CLSTN2: variants seen among roughly 807,000 people sequenced by gnomAD.
CLSTN2 encodes the protein calsyntenin-2.
In CLSTN2, 48 loss-of-function variants were observed where a neutral mutation model predicts 101.2. The ratio of observed to expected loss-of-function variants is 0.47; its 90% CI spans 0.38 to 0.60. CLSTN2 has a LOEUF of 0.60. Ranked by LOEUF, CLSTN2 falls within the 20% of genes least tolerant of loss-of-function variation. The pLI, the probability that CLSTN2 is intolerant of heterozygous loss-of-function variation, is 0.00. For synonymous variants in CLSTN2, 481 were observed against 463.6 expected, an observed-to-expected ratio of 1.04 and a Z score of -0.48; for missense variants, 1,160 against 1,238.2, an observed-to-expected ratio of 0.94 and a Z score of 0.95.
intron 8 of CLSTN2, among the ~76,000 whole-genome samples, chr3:140,469,067 A>G (rs1385396105): frequency 6.6e-6 from 1 of 152,190 alleles, no homozygotes; most frequent in Non-Finnish European, 1.5e-5. Flanking sequence ...CATGGCAGAG[A>G]GGGAGCACTC....
At chr3:140,468,034 T>G (rs1329807750) in intron 8 of CLSTN2, among the ~76,000 whole-genome samples, 1 of 152,246 alleles carries the variant, frequency 6.6e-6, no homozygotes, top group Non-Finnish European at 1.5e-5. Context: ...CAGTGGCAAC[T>G]GCCTAATCCA....
At chr3:140,167,638 C>A (rs1233200537) in intron 1 of CLSTN2, among the ~76,000 whole-genome samples, 1 of 152,172 alleles carries the variant, frequency 6.6e-6, no homozygotes, top group African/African-American at 2.4e-5. Context: ...GTGTAACCAC[C>A]ACTACAATCA....
intron 1 of CLSTN2, among the ~76,000 whole-genome samples, chr3:140,113,791 C>A (rs184454500): frequency 6.6e-6 from 1 of 152,086 alleles, no homozygotes; most frequent in Non-Finnish European, 1.5e-5. Flanking sequence ...TAGTGACGCA[C>A]GACTATCAGG....
chr3:139,958,815 AAAT>A (rs1935452848), intron 1 of CLSTN2, among the ~76,000 whole-genome samples: 2 of 150,720 alleles, frequency 1.3e-5, no homozygotes, highest in Non-Finnish European at 3.0e-5. Flanking sequence ...GGCTTTTGAA[AAAT>A]AATAACATCT....
chr3:139,972,242 C>T lies in CLSTN2; in HGVS notation c.109+36759C>T, dbSNP rs548914989. Among the ~76,000 whole-genome samples the T allele has an allele frequency of 1.2e-3, 176 of 151,584 alleles. 3 individuals are homozygous for T. The South Asian group carries it at 0.028, about 24-fold the overall frequency. On this transcript the variant is annotated intron_variant, in intron 1 of 16. Transcript: ENST00000458420. ...TCGCACCACTGCACTCCAGCCTGGG[C>T]GACAGAGTGGGACTCTGCCTCAAAA...
In CLSTN2 at chr3:140,532,350, T is replaced by C. The variant is rs761385715; in HGVS notation, c.1371T>C (p.Tyr457=). The C allele has an allele frequency of 3.1e-6, 5 of 1,609,546 alleles. No homozygotes were observed. The highest frequency in any genetic ancestry group is 1.3e-5 in the African/African-American group (1 of 74,880). Residue 457 remains tyrosine, a synonymous_variant, in exon 9 of 17, where the codon TAT becomes TAC. Transcript: ENST00000458420. ...TTTGTGACAAAGAGTGGCACTACTA[T>C]GTCATCAATGTGGAGTTTCCTGTGG... ...DQICDKEWHY[Y]VINVEFPVVT...
intron 2 of CLSTN2, among the ~76,000 whole-genome samples, chr3:140,299,044 C>T (rs1480032185): frequency 6.6e-6 from 1 of 152,182 alleles, no homozygotes; most frequent in Non-Finnish European, 1.5e-5. Context: ...TCACTGTCAC[C>T]TGGGCTCTCC....
chr3:140,033,016 A>G (rs1270517535), intron 1 of CLSTN2, among the ~76,000 whole-genome samples: 2 of 152,218 alleles, frequency 1.3e-5, no homozygotes, highest in Non-Finnish European at 2.9e-5. Flanking sequence ...CAGAAAGCCA[A>G]CATGAGCCCC....
At chr3:140,246,723 A>G (rs2086521079) in intron 2 of CLSTN2, among the ~76,000 whole-genome samples, 1 of 152,186 alleles carries the variant, frequency 6.6e-6, no homozygotes, top group Non-Finnish European at 1.5e-5. Flanking sequence ...AGAGAGCAAC[A>G]GGGGCATATG....
At chr3:140,046,863 T>C (rs2007891675) in intron 1 of CLSTN2, among the ~76,000 whole-genome samples, 1 of 151,948 alleles carries the variant, frequency 6.6e-6, no homozygotes, top group East Asian at 1.9e-4. Flanking sequence ...TCTTTCTTTG[T>C]TCCACATTTG....
chr3:140,208,748 C>A (rs551042787), intron 2 of CLSTN2, among the ~76,000 whole-genome samples: 1 of 152,198 alleles, frequency 6.6e-6, no homozygotes, highest in Non-Finnish European at 1.5e-5. Context: ...TTAGTTCATT[C>A]TCTGGGTTTT....
At chr3:140,468,117 A>G (rs535634004) in intron 8 of CLSTN2, among the ~76,000 whole-genome samples, 1 of 152,310 alleles carries the variant, frequency 6.6e-6, no homozygotes, top group African/African-American at 2.4e-5. Flanking sequence ...TGTTCCTCTG[A>G]GTTAGGAATT....
intron 8 of CLSTN2, among the ~76,000 whole-genome samples, chr3:140,527,866 T>C (rs1230974707): frequency 6.6e-6 from 1 of 152,012 alleles, no homozygotes; most frequent in Non-Finnish European, 1.5e-5. Flanking sequence ...AAGCTAAACA[T>C]TGGATACCCA....
intron 1 of CLSTN2, among the ~76,000 whole-genome samples, chr3:140,048,614 G>C (rs551208589): frequency 6.6e-6 from 1 of 152,210 alleles, no homozygotes; most frequent in African/African-American, 2.4e-5. Context: ...GAGGCAAAGA[G>C]AGATTAGATA....
chr3:140,511,549 T>A (rs983533673), intron 8 of CLSTN2, among the ~76,000 whole-genome samples: 1 of 135,796 alleles, frequency 7.4e-6, no homozygotes, highest in African/African-American at 2.8e-5. Flanking sequence ...GACTTTTTTT[T>A]TTTTTTTTTT....
chr3:140,554,800 A>C (rs1935765058), intron 10 of CLSTN2, among the ~76,000 whole-genome samples: 1 of 152,192 alleles, frequency 6.6e-6, no homozygotes, highest in African/African-American at 2.4e-5. Context: ...TACACCTACT[A>C]AAAAAGAATA....
intron 2 of CLSTN2, among the ~76,000 whole-genome samples, chr3:140,402,501 C>G (rs1431426901): frequency 6.6e-6 from 1 of 152,164 alleles, no homozygotes; most frequent in Non-Finnish European, 1.5e-5. Context: ...AAGCTTGGTG[C>G]CTGGTGCAGA....
chr3:140,162,513 C>G (rs909280682), intron 1 of CLSTN2, among the ~76,000 whole-genome samples: 1 of 152,122 alleles, frequency 6.6e-6, no homozygotes, highest in African/African-American at 2.4e-5. Context: ...GGCAGGAATG[C>G]AGACATGTGG....
chr3:140,161,384 A>G (rs983733815), intron 1 of CLSTN2, among the ~76,000 whole-genome samples: 3 of 152,166 alleles, frequency 2.0e-5, no homozygotes, highest in African/African-American at 7.2e-5. Context: ...CCAGGTTGCA[A>G]AAGATATAAA....
Sources: gnomAD v4.1 joint callset for allele counts (sites outside exome capture counted in the v4.1 genomes callset) on GRCh38, gnomAD v4.1.1 for gene constraint, MANE v1.5 for transcripts, NCBI Gene and HGNC (gene_info 2026-07-23, HGNC 2026-07-21) for gene names.